Variants in KHDRBS2 observed in about 807,000 individuals in gnomAD.
KHDRBS2 encodes KH RNA binding domain containing, signal transduction associated 2, also known as KH domain-containing, RNA-binding, signal transduction-associated protein 2.
KHDRBS2 carries 26 observed loss-of-function variants against 44.3 expected under a neutral mutation model. The ratio of observed to expected loss-of-function variants is 0.59; its 90% CI spans 0.43 to 0.81. The LOEUF (loss-of-function observed/expected upper bound fraction) is 0.81, where lower values mean the gene tolerates loss of function less well. Ranked by LOEUF, KHDRBS2 falls within the 40% of genes least tolerant of loss-of-function variation. The pLI, the probability that KHDRBS2 is intolerant of heterozygous loss-of-function variation, is 0.00. For missense variants in KHDRBS2, 476 were observed against 433.1 expected (o/e 1.10, Z -0.88); for synonymous variants, 194 against 151.1 (o/e 1.28, Z -2.08).
At chr6:61,660,897 C>T in the KHDRBS2 span, among the ~76,000 whole-genome samples, 1 of 151,834 alleles carries the variant, frequency 6.6e-6, no homozygotes, top group South Asian at 2.1e-4. Context: ...AACTTTTTGT[C>T]CCCCATCCTC....
At chr6:62,278,936 T>C (rs1295510716) in intron 1 of KHDRBS2, among the ~76,000 whole-genome samples, 2 of 151,480 alleles carry the variant, frequency 1.3e-5, no homozygotes, top group African/African-American at 2.4e-5. Flanking sequence ...CTACTAAAAA[T>C]ACAAAAAATT....
chr6:62,205,298 T>C (rs936159762), intron 1 of KHDRBS2, among the ~76,000 whole-genome samples: 78 of 152,162 alleles, frequency 5.1e-4, no homozygotes, highest in African/African-American at 1.7e-3. Context: ...GCAGGCTAAC[T>C]TGTTAGTACA....
the KHDRBS2 span, among the ~76,000 whole-genome samples, chr6:61,607,420 A>T: frequency 2.0e-5 from 3 of 150,908 alleles, no homozygotes; most frequent in Admixed American, 6.6e-5. Context: ...GATTTTAAAA[A>T]ACAATAAAAT....
chr6:61,952,293 G>A (rs1764921245), intron 4 of KHDRBS2, among the ~76,000 whole-genome samples: 1 of 151,962 alleles, frequency 6.6e-6, no homozygotes, highest in Non-Finnish European at 1.5e-5. Context: ...ATCACAATAA[G>A]GACAATTTAT....
the KHDRBS2 span, among the ~76,000 whole-genome samples, chr6:61,632,068 T>C: frequency 1.3e-5 from 2 of 152,200 alleles, no homozygotes; most frequent in Admixed American, 1.3e-4. Flanking sequence ...ACATGCCCTT[T>C]ATCCTTTTGT....
chr6:61,852,630 G>T (rs2127286165), intron 6 of KHDRBS2, among the ~76,000 whole-genome samples: 1 of 152,040 alleles, frequency 6.6e-6, no homozygotes, highest in Admixed American at 6.5e-5. Context: ...ATTAAAGGAG[G>T]CCAAATCCAT....
At chr6:62,150,172 A>C (rs561681703) in intron 2 of KHDRBS2, among the ~76,000 whole-genome samples, 5 of 152,204 alleles carry the variant, frequency 3.3e-5, no homozygotes, top group South Asian at 2.1e-4. Flanking sequence ...GGGTTGGTTC[A>C]TCCATTGCCA....
At chr6:62,106,523 C>A (rs1316696667) in intron 2 of KHDRBS2, among the ~76,000 whole-genome samples, 1 of 152,028 alleles carries the variant, frequency 6.6e-6, no homozygotes, top group Non-Finnish European at 1.5e-5. Context: ...GATCCCTTTA[C>A]CAGGTACAAG....
the KHDRBS2 span, among the ~76,000 whole-genome samples, chr6:61,599,733 G>A: frequency 6.6e-6 from 1 of 152,266 alleles, no homozygotes; most frequent in Middle Eastern, 3.4e-3. Context: ...ACAAACTCCT[G>A]TGAGAACTTA....
In KHDRBS2 at chr6:61,733,440, A is replaced by C. The variant is rs537569668; in HGVS notation, c.811-676T>G. Among the ~76,000 whole-genome samples, 13 of 152,080 alleles carry C rather than the reference A, an allele frequency of 8.5e-5. No homozygotes were observed. In the East Asian group the frequency reaches 2.5e-3, roughly 30 times the overall value. On this transcript the variant is annotated intron_variant, in intron 6 of 8. Transcript: ENST00000281156. ...ACCCCATCTCTACTAAAAAATACAA[A>C]AAAATTTAGCCAGGCGTGGTGGTGT...
the KHDRBS2 span, among the ~76,000 whole-genome samples, chr6:61,567,845 T>C: frequency 6.6e-6 from 1 of 152,224 alleles, no homozygotes; most frequent in East Asian, 1.9e-4. Flanking sequence ...TCCAATACAT[T>C]AATATAGTAG....
intron 4 of KHDRBS2, among the ~76,000 whole-genome samples, chr6:61,952,995 T>C (rs1320492179): frequency 6.6e-6 from 1 of 152,018 alleles, no homozygotes; most frequent in Non-Finnish European, 1.5e-5. Context: ...CTCTTTTTGT[T>C]ATATTTGTAA....
intron 2 of KHDRBS2, among the ~76,000 whole-genome samples, chr6:62,097,310 A>T (rs1183421330): frequency 1.3e-5 from 2 of 151,934 alleles, no homozygotes; most frequent in Non-Finnish European, 2.9e-5. Flanking sequence ...TGATCTGTCC[A>T]TTGCTGAAAG....
intron 4 of KHDRBS2, among the ~76,000 whole-genome samples, chr6:61,946,544 T>G (rs1242451642): frequency 6.6e-6 from 1 of 152,120 alleles, no homozygotes; most frequent in African/African-American, 2.4e-5. Context: ...ATCAGTCAAA[T>G]CCGGGCAAGA....
intron 1 of KHDRBS2, among the ~76,000 whole-genome samples, chr6:62,208,341 T>C (rs975335345): frequency 5.9e-5 from 9 of 152,286 alleles, no homozygotes; most frequent in African/African-American, 2.2e-4. Context: ...ATGGTCCTCA[T>C]GCTTCAGCCT....
chr6:62,052,654 T>C (rs963165203), intron 2 of KHDRBS2, among the ~76,000 whole-genome samples: 2 of 151,078 alleles, frequency 1.3e-5, no homozygotes, highest in African/African-American at 4.9e-5. Flanking sequence ...TGGGGGTGTT[T>C]TGAAATAAAA....
chr6:62,061,515 G>A (rs1229431799), intron 2 of KHDRBS2, among the ~76,000 whole-genome samples: 1 of 148,664 alleles, frequency 6.7e-6, no homozygotes, highest in Admixed American at 6.7e-5. Context: ...ACTCTCTTCT[G>A]GCTTGTAGGG....
At chr6:62,077,057 A>T (rs1171850151) in intron 2 of KHDRBS2, among the ~76,000 whole-genome samples, 3 of 151,426 alleles carry the variant, frequency 2.0e-5, no homozygotes, top group Admixed American at 6.6e-5. Flanking sequence ...AAAAAAATAT[A>T]AAAAAATGAA....
intron 2 of KHDRBS2, among the ~76,000 whole-genome samples, chr6:62,062,220 G>A (rs1355266725): frequency 2.7e-5 from 4 of 148,824 alleles, no homozygotes; most frequent in Admixed American, 6.8e-5. Flanking sequence ...ACAGATCAAC[G>A]AGACAGAAAG....
Sources: allele counts gnomAD v4.1 joint callset (sites outside exome capture counted in the v4.1 genomes callset), GRCh38; gene constraint gnomAD v4.1.1; transcripts MANE v1.5; gene names NCBI Gene and HGNC (gene_info 2026-07-23, HGNC 2026-07-21).